Variants in PNOC observed in about 807,000 individuals in gnomAD.
PNOC encodes prepronociceptin.
In PNOC, 10 loss-of-function variants were observed where a neutral mutation model predicts 15.6. The observed-to-expected ratio is 0.64, with a 90% CI of 0.40 to 1.09. The LOEUF (loss-of-function observed/expected upper bound fraction) is 1.09, where lower values mean the gene tolerates loss of function less well. Among genes scored for constraint, PNOC ranks in the 50% least tolerant of loss-of-function variants. PNOC has a pLI of 0.01. For missense variants in PNOC, 220 were observed against 223.9 expected (o/e 0.98, Z 0.11); for synonymous variants, 98 against 88.5 (o/e 1.11, Z -0.60).
chr8:28,317,197 G>C (rs1340056366), upstream of PNOC: 1 of 152,868 alleles, frequency 6.5e-6, no homozygotes, highest in Non-Finnish European at 1.5e-5. Flanking sequence ...ATGTGTCATG[G>C]AGGTGGGCAG....
intron 3 of PNOC, among the ~76,000 whole-genome samples, chr8:28,340,955 A>C (rs1446775095): frequency 6.6e-6 from 1 of 152,260 alleles, no homozygotes; most frequent in Non-Finnish European, 1.5e-5. Context: ...TGAAATTGGA[A>C]GAGGACAAAC....
At chr8:28,330,400 T>TATTTTTTTTTTTTA (rs1431540071) in intron 2 of PNOC, among the ~76,000 whole-genome samples, 12 of 102,246 alleles carry the variant, frequency 1.2e-4, no homozygotes, top group South Asian at 3.2e-4. Context: ...TATTTTATTT[T>TATTTTTTTTTTTTA]TTTTTTTTTT....
chr8:28,339,800 G>A (rs1343165762), intron 3 of PNOC: 1 of 183,956 alleles, frequency 5.4e-6, no homozygotes, highest in Non-Finnish European at 1.1e-5. Context: ...GGACCAATAC[G>A]CCCATCCAGT....
At position 28,329,171 on chromosome 8, in the gene PNOC, T is replaced by G; in HGVS notation, c.14T>G (p.Leu5Arg). The change falls in exon 2 of 4, where the codon CTT (leucine) becomes CGT (arginine). Residue 5 changes from leucine (L) to arginine (R), a missense_variant. Transcript: ENST00000301908. MKVLLCDLLLLSLFS... is the reference protein window; with the variant it reads MKVLRCDLLLLSLFS... ...TGCTCCTGCACCATGAAAGTCCTGCTTTGTGACCTGCTGCTGCTCAGTCTC... is the reference window on the plus strand; with the variant it reads ...TGCTCCTGCACCATGAAAGTCCTGCGTTGTGACCTGCTGCTGCTCAGTCTC... 6.2e-7 allele frequency: 1 copy of G among 1,613,898 alleles called. No individual in the cohort carries two copies. Among genetic ancestry groups the G allele is most frequent in the Non-Finnish European group, 8.5e-7 (1 of 1,180,004 alleles).
In PNOC at chr8:28,343,042, C is replaced by G; in HGVS notation, c.*148C>G. On this transcript the variant is annotated 3_prime_UTR_variant, in exon 4 of 4. Transcript: ENST00000301908. ...CAAGGCACTGAGCGCCTGCAGATCC[C>G]GCAGGCTTCGTTTGCCTCCAGAACC... 1.0e-6 allele frequency: 1 copy of G among 977,812 alleles called. No individual in the cohort carries two copies. Among genetic ancestry groups the G allele is most frequent in the South Asian group, 4.7e-5 (1 of 21,120 alleles). The allele number at this position is 977,812 out of a possible 1,614,324, so 60.6% of individuals were successfully genotyped here.
intron 2 of PNOC, among the ~76,000 whole-genome samples, chr8:28,337,718 G>A (rs1046152677): frequency 2.0e-5 from 3 of 151,396 alleles, no homozygotes; most frequent in Admixed American, 6.6e-5. Flanking sequence ...GAGTAGCTGG[G>A]ACTACAGGCG....
At chr8:28,330,398 T>TTTATTTTTTTTTTTTTTTTTA (rs1554517536) in intron 2 of PNOC, among the ~76,000 whole-genome samples, 2 of 100,690 alleles carry the variant, frequency 2.0e-5, no homozygotes, top group Admixed American at 1.0e-4. Context: ...TTTATTTTAT[T>TTTATTTTTTTTTTTTTTTTTA]TTTTTTTTTT....
rs753670435 is a variant in PNOC, at chr8:28,339,173, C to T, written c.260C>T (p.Pro87Leu). ...PEHVAAALYQ[P>L]RASEMQHLRR... The stretch of plus-strand genomic sequence containing the variant: ...CATGTGGCGGCTGCTCTCTACCAGC[C>T]GAGAGCTTCGGAGATGCAGCATCTG... Residue 87 changes from proline (P) to leucine (L), a missense_variant, in exon 3 of 4, where the codon CCG becomes CTG. Physicochemically the swap from Pro to Leu is moderately conservative, Grantham distance 98 (BLOSUM62 -3). Coordinates refer to ENST00000301908, the MANE Select transcript of PNOC (RefSeq NM_006228.5). The T allele has an allele frequency of 5.6e-6, 9 of 1,613,620 alleles. No individual in the cohort carries two copies. The highest frequency in any genetic ancestry group is 1.3e-5 in the African/African-American group (1 of 74,914).
intron 3 of PNOC, among the ~76,000 whole-genome samples, chr8:28,342,383 T>C (rs887020891): frequency 6.7e-6 from 1 of 148,236 alleles, no homozygotes; most frequent in Non-Finnish European, 1.5e-5. Flanking sequence ...AAAAGAACAC[T>C]ATTCAGAAAG....
intron 2 of PNOC, among the ~76,000 whole-genome samples, chr8:28,330,377 T>C (rs1801301925): frequency 1.5e-5 from 1 of 65,146 alleles, no homozygotes; most frequent in Non-Finnish European, 3.9e-5. Context: ...TTTTATTTTA[T>C]TTTATTTTAT....
At chr8:28,335,250 T>C (rs1801392969) in intron 2 of PNOC, among the ~76,000 whole-genome samples, 1 of 152,346 alleles carries the variant, frequency 6.6e-6, no homozygotes, top group South Asian at 2.1e-4. Flanking sequence ...CCAATTCATA[T>C]TGCAAGCACA....
At chr8:28,330,147 C>T (rs62502398) in intron 2 of PNOC, among the ~76,000 whole-genome samples, 6,677 of 151,792 alleles carry the variant, frequency 0.044, 195 homozygotes, top group Non-Finnish European at 0.065. Flanking sequence ...GGTTTCACCA[C>T]ATTGGCCAGG....
At chr8:28,329,386 C>T (rs956323903) in intron 2 of PNOC, 103 bp downstream of exon 2, 1 of 1,341,334 alleles carries the variant, frequency 7.5e-7, no homozygotes, top group African/African-American at 1.4e-5. Flanking sequence ...GCCTCTCCCA[C>T]AGCTCACAGG....
At chr8:28,340,878 A>T (rs1300466770) in intron 3 of PNOC, among the ~76,000 whole-genome samples, 1 of 152,192 alleles carries the variant, frequency 6.6e-6, no homozygotes, top group East Asian at 1.9e-4. Context: ...TTCCTGAAGG[A>T]TCCACCCCCA....
intron 1 of PNOC, among the ~76,000 whole-genome samples, chr8:28,318,792 G>T (rs1801101644): frequency 6.6e-6 from 1 of 152,210 alleles, no homozygotes; most frequent in Non-Finnish European, 1.5e-5. Context: ...TCATTTTGAG[G>T]GCGCAGTTTT....
chr8:28,330,391 A>ATTT (rs200641227), intron 2 of PNOC, among the ~76,000 whole-genome samples: 10 of 76,082 alleles, frequency 1.3e-4, no homozygotes, highest in South Asian at 8.8e-4. Flanking sequence ...ATTTTATTTT[A>ATTT]TTTTATTTTT....
At chr8:28,336,947 C>T (rs1801421168) in intron 2 of PNOC, among the ~76,000 whole-genome samples, 1 of 151,592 alleles carries the variant, frequency 6.6e-6, no homozygotes, top group Admixed American at 6.6e-5. Flanking sequence ...GAGACAGGGA[C>T]CGAGAGGCCA....
intron 2 of PNOC, among the ~76,000 whole-genome samples, chr8:28,331,268 C>T (rs1300312640): frequency 1.3e-5 from 2 of 152,164 alleles, no homozygotes; most frequent in Non-Finnish European, 2.9e-5. Context: ...AGTTGGCCCT[C>T]GGTTAAGTGG....
intron 2 of PNOC, among the ~76,000 whole-genome samples, chr8:28,336,993 T>A (rs1273486495): frequency 6.6e-6 from 1 of 151,862 alleles, no homozygotes; most frequent in Non-Finnish European, 1.5e-5. Context: ...AGAATGAAAT[T>A]CACCTGCTAG....
Sources: allele counts gnomAD v4.1 joint callset (sites outside exome capture counted in the v4.1 genomes callset), GRCh38; gene constraint gnomAD v4.1.1; transcripts MANE v1.5; gene names NCBI Gene and HGNC (gene_info 2026-07-23, HGNC 2026-07-21).